The following MCTP1 variants were observed in gnomAD, a reference collection of about 807,000 sequenced individuals.
MCTP1 encodes the protein multiple C2 and transmembrane domain containing 1.
MCTP1 carries 69 observed loss-of-function variants against 120.6 expected under a neutral mutation model. The ratio of observed to expected loss-of-function variants is 0.57; its 90% CI spans 0.47 to 0.70. The LOEUF is 0.70. Among genes scored for constraint, MCTP1 ranks in the 30% least tolerant of loss-of-function variants. The pLI is 0.00. For missense variants in MCTP1, 1,203 were observed against 1,248.8 expected (o/e 0.96, Z 0.55); for synonymous variants, 529 against 493.1 (o/e 1.07, Z -0.96).
intron 1 of MCTP1, among the ~76,000 whole-genome samples, chr5:95,160,722 T>C (rs1250341503): frequency 2.9e-5 from 2 of 68,146 alleles, no homozygotes; most frequent in Non-Finnish European, 4.4e-5. Context: ...AAGGGGCTAA[T>C]ACCCAAAATA....
chr5:94,890,535 A>G lies in MCTP1; in HGVS notation c.1840-1563T>C, dbSNP rs74293141. 3.0e-3 allele frequency among the ~76,000 whole-genome samples: 452 copies of G among 152,360 alleles called. 14 individuals carry two copies. In the East Asian group the frequency reaches 0.063, roughly 21 times the overall value. ...GTAAAAGACATACACAATCTTTTACAGTCAATCAAATTGATGACTAAAAAT... is the reference window on the plus strand; with the variant it reads ...GTAAAAGACATACACAATCTTTTACGGTCAATCAAATTGATGACTAAAAAT... On this transcript the variant is annotated intron_variant, in intron 11 of 22. Coordinates refer to ENST00000515393, the MANE Select transcript of MCTP1 (RefSeq NM_024717.7).
At chr5:94,955,001 C>T (rs1383370791) in intron 2 of MCTP1, among the ~76,000 whole-genome samples, 1 of 152,208 alleles carries the variant, frequency 6.6e-6, no homozygotes, top group African/African-American at 2.4e-5. Context: ...CAGCTCCAGT[C>T]TGCAGCTTCC....
chr5:94,727,469 ATTTCATCAT>A (rs1561535545), intron 19 of MCTP1, among the ~76,000 whole-genome samples: 1 of 152,196 alleles, frequency 6.6e-6, no homozygotes, highest in Non-Finnish European at 1.5e-5. Context: ...ACTGGAATCA[ATTTCATCAT>A]TTGTATGGTT....
At chr5:95,168,537 G>GA (rs1454669797) in intron 1 of MCTP1, among the ~76,000 whole-genome samples, 4 of 152,168 alleles carry the variant, frequency 2.6e-5, no homozygotes, top group Non-Finnish European at 4.4e-5. Context: ...AGCATGGAAT[G>GA]AATGTTCTTC....
intron 19 of MCTP1, among the ~76,000 whole-genome samples, chr5:94,763,048 A>G (rs906407484): frequency 6.6e-6 from 1 of 152,210 alleles, no homozygotes; most frequent in Non-Finnish European, 1.5e-5. Flanking sequence ...AATTTTTTCA[A>G]TAATCTATTA....
rs561568652 is a variant in MCTP1, at chr5:95,183,984, A to C, written c.720+99872T>G. 4.6e-5 allele frequency among the ~76,000 whole-genome samples: 7 copies of C among 152,046 alleles called. No individual in the cohort carries two copies. In the South Asian group the frequency reaches 8.3e-4, roughly 18 times the overall value. On this transcript the variant is annotated intron_variant, in intron 1 of 22. Transcript: ENST00000515393. Reference sequence around the variant, plus strand: ...AGAACACATGGACGCAGGGAGGGGAACATCACACACCGGGGCCTGTTGGGG... The same window carrying C: ...AGAACACATGGACGCAGGGAGGGGACCATCACACACCGGGGCCTGTTGGGG...
chr5:95,188,982 C>T (rs192187846), intron 1 of MCTP1, among the ~76,000 whole-genome samples: 37 of 152,006 alleles, frequency 2.4e-4, no homozygotes, highest in Admixed American at 1.7e-3. Context: ...TAAAATCACA[C>T]GTGAATCTAA....
chr5:95,157,855 TTGTTTATGGC>T (rs910119124), intron 1 of MCTP1, among the ~76,000 whole-genome samples: 1 of 152,228 alleles, frequency 6.6e-6, no homozygotes, highest in Admixed American at 6.5e-5. Flanking sequence ...CCTTCATTTA[TTGTTTATGGC>T]TGTTTTCCCA....
chr5:94,870,620 T>C (rs904465440), intron 15 of MCTP1, 129 bp from the exon 16 acceptor site: 1 of 739,424 alleles, frequency 1.4e-6, no homozygotes, highest in African/African-American at 1.8e-5. Flanking sequence ...AAAATATAAA[T>C]GTATACAGTT....
intron 18 of MCTP1, among the ~76,000 whole-genome samples, chr5:94,784,203 C>T (rs1777146335): frequency 6.6e-6 from 1 of 151,934 alleles, no homozygotes; most frequent in Non-Finnish European, 1.5e-5. Flanking sequence ...CTATTTCTAC[C>T]CTAGAGATAC....
chr5:95,069,003 GAA>G (rs1751428986), intron 1 of MCTP1, among the ~76,000 whole-genome samples: 1 of 145,396 alleles, frequency 6.9e-6, no homozygotes, highest in African/African-American at 2.6e-5. Context: ...TGAAACAACA[GAA>G]CAGCCTGTGC....
intron 18 of MCTP1, among the ~76,000 whole-genome samples, chr5:94,786,584 C>T (rs1233014597): frequency 6.6e-6 from 1 of 152,170 alleles, no homozygotes; most frequent in Admixed American, 6.5e-5. Flanking sequence ...ACCGTTATAT[C>T]ATGAGCTTCC....
rs1253687253 is a variant in MCTP1, at chr5:95,284,501, C to T, written c.75G>A (p.Trp25Ter). Reference sequence around the variant, plus strand: ...TGCCCACCCCCAGCTGCAGGTTCTTCCAGAGCCGGGCCTGGAAGGAGGAGG... The same window carrying T: ...TGCCCACCCCCAGCTGCAGGTTCTTTCAGAGCCGGGCCTGGAAGGAGGAGG... Reference protein sequence around the residue: ...AASSSFQARLWKNLQLGVGRS... With the variant: ...AASSSFQARL Residue 25 changes from tryptophan to a stop codon, truncating the protein, a stop_gained, in exon 1 of 23, where the codon TGG becomes TGA. Coordinates refer to ENST00000515393, the MANE Select transcript of MCTP1 (RefSeq NM_024717.7). LOFTEE classifies it high-confidence loss of function. The surrounding 1 kb of genome is among the most constrained non-coding windows in gnomAD (Gnocchi z 5.2). 1.3e-6 allele frequency: 2 copies of T among 1,506,906 alleles called. No individual in the cohort carries two copies. The highest frequency in any genetic ancestry group is 1.4e-5 in the African/African-American group (1 of 69,528). 93.3% of individuals were successfully genotyped at this position (1,506,906 alleles called of 1,614,324 possible). A position where few individuals can be genotyped will look rare whatever the true frequency, so the allele number is the denominator to read the frequency against.
At chr5:95,203,336 T>C (rs1177684097) in intron 1 of MCTP1, among the ~76,000 whole-genome samples, 1 of 152,176 alleles carries the variant, frequency 6.6e-6, no homozygotes, top group African/African-American at 2.4e-5. Flanking sequence ...AAAAGACAAG[T>C]CTATCCAGAA....
In MCTP1 at chr5:95,284,414, C is replaced by T. The variant is rs376598648; in HGVS notation, c.162G>A (p.Pro54=). The T allele has an allele frequency of 1.0e-4, 159 of 1,576,880 alleles. No homozygotes were observed. Among genetic ancestry groups the T allele is most frequent in the Middle Eastern group, 2.0e-4 (1 of 4,962 alleles). Residue 54 remains proline (P), a synonymous_variant, in exon 1 of 23, where the codon CCG becomes CCA. Transcript: ENST00000515393. This position sits in a 1 kb window ranked among gnomAD's most constrained non-coding sequence, Gnocchi z 5.2. ...GGPERRTADT[P]SPSPPPPVGT... ...CCACCGGGGGTGGCGGGGAGGGCGA[C>T]GGGGTGTCCGCAGTGCGGCGCTCTG...
Position 94,940,189 on chromosome 5 carries a change from T to G in MCTP1, c.1068A>C (p.Thr356=). Residue 356 remains threonine (T), a synonymous_variant, in exon 5 of 23, where the codon ACA becomes ACC. Coordinates refer to ENST00000515393, the MANE Select transcript of MCTP1 (RefSeq NM_024717.7). The part of the protein sequence containing the change: ...DLTQLELNRP[T]DVTLTLKDPH... ...GATCTTTCAGAGTAAGGGTCACATCTGTGGGCCTGTGATAGAAAATATTTA... is the reference window on the plus strand; with the variant it reads ...GATCTTTCAGAGTAAGGGTCACATCGGTGGGCCTGTGATAGAAAATATTTA... 6.3e-7 allele frequency: 1 copy of G among 1,576,068 alleles called. No homozygotes were observed. Among genetic ancestry groups the G allele is most frequent in the East Asian group, 2.3e-5 (1 of 44,374 alleles).
intron 2 of MCTP1, among the ~76,000 whole-genome samples, chr5:94,972,799 T>A (rs1042504701): frequency 6.6e-6 from 1 of 152,104 alleles, no homozygotes; most frequent in African/African-American, 2.4e-5. Flanking sequence ...ACAGAGCCAA[T>A]CAATTTTGTG....
At chr5:94,852,119 G>C (rs1177429903) in intron 17 of MCTP1, among the ~76,000 whole-genome samples, 2 of 151,864 alleles carry the variant, frequency 1.3e-5, no homozygotes, top group Non-Finnish European at 2.9e-5. Context: ...CAGATTCATA[G>C]TTGAAACTTT....
chr5:95,265,236 C>G (rs887510503), intron 1 of MCTP1, among the ~76,000 whole-genome samples: 1 of 151,972 alleles, frequency 6.6e-6, no homozygotes, highest in Non-Finnish European at 1.5e-5. Context: ...TTCTGTACAA[C>G]AAGCTTCAGT....
Sources: allele counts gnomAD v4.1 joint callset (sites outside exome capture counted in the v4.1 genomes callset), GRCh38; gene constraint gnomAD v4.1.1; non-coding constraint Gnocchi (gnomAD v3.1); transcripts MANE v1.5; gene names NCBI Gene and HGNC (gene_info 2026-07-23, HGNC 2026-07-21).